TBC1D32: variants seen among roughly 807,000 people sequenced by gnomAD.
The protein encoded by TBC1D32 is TBC1 domain family member 32, also known as protein broad-minded.
TBC1D32 carries 151 observed loss-of-function variants against 170.3 expected under a neutral mutation model. The ratio of observed to expected loss-of-function variants is 0.89; its 90% CI spans 0.78 to 1.01. TBC1D32 has a LOEUF of 1.01. Ranked by LOEUF, TBC1D32 falls within the 50% of genes least tolerant of loss-of-function variation. TBC1D32 has a pLI of 0.00. For missense variants in TBC1D32, 1,464 were observed against 1,457.1 expected (o/e 1.00, Z -0.08); for synonymous variants, 498 against 488.0 (o/e 1.02, Z -0.27).
At chr6:121,178,434 G>A (rs811484) in intron 22 of TBC1D32, among the ~76,000 whole-genome samples, 17,750 of 152,100 alleles carry the variant, frequency 0.12, 1,500 homozygotes, top group Admixed American at 0.23. Context: ...TGCTATGCAC[G>A]TAATAGGCTA....
chr6:121,239,835 T>C (rs1191847228), intron 19 of TBC1D32, among the ~76,000 whole-genome samples: 1 of 152,112 alleles, frequency 6.6e-6, no homozygotes, highest in Non-Finnish European at 1.5e-5. Context: ...TGGAAAAGTG[T>C]CAAACACAAC....
Position 121,156,756 on chromosome 6 carries a change from T to C in TBC1D32, c.2773+3254A>G, listed in dbSNP as rs74448460. Among the ~76,000 whole-genome samples, 231 of 152,288 alleles carry C rather than the reference T, an allele frequency of 1.5e-3. 1 individual carries two copies. Among genetic ancestry groups the C allele is most frequent in the African/African-American group, 5.4e-3 (224 of 41,570 alleles). ...TCAAAGAAAGTTTTTATTTCTGACT[T>C]AATTTCATTGTTCACTCAAGGGTTA... On this transcript the variant is annotated intron_variant, in intron 24 of 31. Coordinates refer to ENST00000398212, the MANE Select transcript of TBC1D32 (RefSeq NM_152730.6).
Position 121,112,610 on chromosome 6 carries a change from C to T in TBC1D32, c.3219G>A (p.Leu1073=), listed in dbSNP as rs750165137. 4.3e-6 allele frequency: 7 copies of T among 1,609,276 alleles called. 2 individuals carry two copies. The South Asian group carries it at 7.7e-5, about 18-fold the overall frequency. ...CTTTGTCTCCCAACATTATCATGAA[C>T]AGAGAAGATACAAACCAGTCATGGC... ...YAGHDWFVSS[L]FMIMLGDKEK... Residue 1073 remains leucine, a synonymous_variant, in exon 29 of 32, where the codon CTG becomes CTA. Coordinates refer to ENST00000398212, the MANE Select transcript of TBC1D32 (RefSeq NM_152730.6).
chr6:121,238,588 G>A (rs1796591626), intron 20 of TBC1D32, among the ~76,000 whole-genome samples: 1 of 152,078 alleles, frequency 6.6e-6, no homozygotes, highest in Admixed American at 6.6e-5. Context: ...AATTATGATA[G>A]AACATTGGGT....
intron 26 of TBC1D32, among the ~76,000 whole-genome samples, chr6:121,121,031 T>C (rs1163077008): frequency 6.6e-6 from 1 of 151,942 alleles, no homozygotes; most frequent in Non-Finnish European, 1.5e-5. Flanking sequence ...TGAATATAGA[T>C]GTGAATATAG....
At chr6:121,129,810 T>C (rs1387464465) in intron 25 of TBC1D32, 5 of 383,470 alleles carry the variant, frequency 1.3e-5, no homozygotes, top group Non-Finnish European at 2.6e-5. Flanking sequence ...CTCCTTTCAA[T>C]GATTGAGTAG....
intron 24 of TBC1D32, among the ~76,000 whole-genome samples, chr6:121,158,717 T>A (rs1344178257): frequency 6.6e-6 from 1 of 152,210 alleles, no homozygotes; most frequent in African/African-American, 2.4e-5. Context: ...GCTGAATTTT[T>A]GCCTTAAGTG....
intron 25 of TBC1D32, among the ~76,000 whole-genome samples, chr6:121,127,901 A>C (rs1781024199): frequency 6.6e-6 from 1 of 152,190 alleles, no homozygotes; most frequent in Non-Finnish European, 1.5e-5. Context: ...TGCTTGAGTT[A>C]ATGGGAAAAG....
chr6:121,191,552 G>A (rs756673816), intron 22 of TBC1D32, among the ~76,000 whole-genome samples: 11 of 147,084 alleles, frequency 7.5e-5, no homozygotes, highest in Admixed American at 3.3e-4. Context: ...AAGAATGAGC[G>A]GAGACTATAG....
intron 30 of TBC1D32, among the ~76,000 whole-genome samples, chr6:121,099,746 T>A (rs572994526): frequency 6.6e-6 from 1 of 152,018 alleles, no homozygotes; most frequent in African/African-American, 2.4e-5. Flanking sequence ...ACAGATTAAC[T>A]CACATGGGGA....
intron 30 of TBC1D32, among the ~76,000 whole-genome samples, chr6:121,105,427 G>A (rs1364559855): frequency 6.6e-6 from 1 of 151,878 alleles, no homozygotes; most frequent in Non-Finnish European, 1.5e-5. Flanking sequence ...ATTCTAAAGA[G>A]AGATGAAGGT....
chr6:121,284,081 A>G (rs1803432580), intron 12 of TBC1D32, among the ~76,000 whole-genome samples, 171 bp from the exon 13 acceptor site: 1 of 152,096 alleles, frequency 6.6e-6, no homozygotes, highest in Non-Finnish European at 1.5e-5. Flanking sequence ...CAAATTACAT[A>G]CAAATTAAAA....
chr6:121,212,922 T>C (rs1793275207), intron 21 of TBC1D32, among the ~76,000 whole-genome samples: 1 of 152,040 alleles, frequency 6.6e-6, no homozygotes, highest in African/African-American at 2.4e-5. Flanking sequence ...ACATAATCCA[T>C]CACATAAACA....
At chr6:121,312,866 G>T (rs1473852467) in intron 3 of TBC1D32, among the ~76,000 whole-genome samples, 1 of 152,130 alleles carries the variant, frequency 6.6e-6, no homozygotes, top group Non-Finnish European at 1.5e-5. Context: ...TTGTAAAAAA[G>T]ATAGTGCGTT....
intron 22 of TBC1D32, among the ~76,000 whole-genome samples, chr6:121,169,349 G>T (rs1786624602): frequency 6.6e-6 from 1 of 152,116 alleles, no homozygotes; most frequent in African/African-American, 2.4e-5. Context: ...ATAGTGCTGG[G>T]AGAACTGGCT....
intron 21 of TBC1D32, among the ~76,000 whole-genome samples, chr6:121,220,893 G>A (rs916704924): frequency 3.3e-5 from 5 of 151,894 alleles, no homozygotes; most frequent in African/African-American, 1.2e-4. Flanking sequence ...TCCCCACCTC[G>A]GCCTCCCAAA....
At chr6:121,197,125 C>T (rs148472874) in intron 22 of TBC1D32, among the ~76,000 whole-genome samples, 14 of 152,322 alleles carry the variant, frequency 9.2e-5, no homozygotes, top group African/African-American at 3.4e-4. Context: ...ACTGGGGTGA[C>T]TGACCCAGAC....
At chr6:121,330,830 A>G (rs900759980) in intron 1 of TBC1D32, among the ~76,000 whole-genome samples, 2 of 152,146 alleles carry the variant, frequency 1.3e-5, no homozygotes, top group Non-Finnish European at 2.9e-5. Context: ...GTCTGCGTGT[A>G]AAAATTTACA....
intron 10 of TBC1D32, among the ~76,000 whole-genome samples, chr6:121,298,630 A>T (rs1806008528): frequency 6.6e-6 from 1 of 152,074 alleles, no homozygotes; most frequent in Non-Finnish European, 1.5e-5. Flanking sequence ...TTACCTTTAC[A>T]AATAAATTCT....
Sources: gnomAD v4.1 joint callset for allele counts (sites outside exome capture counted in the v4.1 genomes callset) on GRCh38, gnomAD v4.1.1 for gene constraint, MANE v1.5 for transcripts, NCBI Gene and HGNC (gene_info 2026-07-23, HGNC 2026-07-21) for gene names.